DLG1: variants seen among roughly 807,000 people sequenced by gnomAD.
DLG1 encodes disks large homolog 1.
A neutral mutation model predicts 123.4 loss-of-function variants in DLG1; 42 were observed. The ratio of observed to expected loss-of-function variants is 0.34; its 90% CI spans 0.27 to 0.44. DLG1 has a LOEUF of 0.44. Ranked by LOEUF, DLG1 falls within the 20% of genes least tolerant of loss-of-function variation. DLG1 has a pLI of 1.00. For synonymous variants in DLG1, 317 were observed against 356.2 expected (o/e 0.89, Z 1.24); for missense variants, 942 against 1,082.6 (o/e 0.87, Z 1.82).
chr3:197,077,501 A>C (rs1043767167), intron 17 of DLG1, among the ~76,000 whole-genome samples: 35 of 151,990 alleles, frequency 2.3e-4, no homozygotes, highest in African/African-American at 7.5e-4. Flanking sequence ...TCTACTTATT[A>C]AAAAAAAGTA....
At chr3:197,082,633 A>G (rs747098927) in intron 16 of DLG1, among the ~76,000 whole-genome samples, 63 of 152,174 alleles carry the variant, frequency 4.1e-4, no homozygotes, top group Non-Finnish European at 7.2e-4. Flanking sequence ...TACAATTCCT[A>G]TGTTATTTTA....
At chr3:197,271,496 G>A (rs1300083871) in intron 4 of DLG1, among the ~76,000 whole-genome samples, 2 of 152,126 alleles carry the variant, frequency 1.3e-5, no homozygotes, top group Non-Finnish European at 2.9e-5. Context: ...TAGCACCTAA[G>A]CCCTCTGCCT....
intron 4 of DLG1, among the ~76,000 whole-genome samples, chr3:197,239,443 AAGG>A (rs1436173326): frequency 8.5e-5 from 13 of 152,322 alleles, no homozygotes; most frequent in East Asian, 5.8e-4. Context: ...CCAAAAAATT[AAGG>A]AGGAGGGACT....
At chr3:197,186,007 T>C (rs1162946124) in intron 5 of DLG1, among the ~76,000 whole-genome samples, 2 of 152,314 alleles carry the variant, frequency 1.3e-5, no homozygotes, top group South Asian at 2.1e-4. Context: ...ATTTCCCCAA[T>C]GTACAGGGAA....
intron 4 of DLG1, among the ~76,000 whole-genome samples, chr3:197,266,538 A>G (rs776638893): frequency 2.6e-5 from 4 of 152,108 alleles, no homozygotes; most frequent in Non-Finnish European, 5.9e-5. Flanking sequence ...GCTTGAAGCC[A>G]GGAGGCTGAG....
chr3:197,289,916 A>T (rs1773997420), intron 3 of DLG1, among the ~76,000 whole-genome samples: 1 of 152,234 alleles, frequency 6.6e-6, no homozygotes, highest in African/African-American at 2.4e-5. Flanking sequence ...TACATGACTC[A>T]CAAGCATATT....
intron 4 of DLG1, among the ~76,000 whole-genome samples, chr3:197,258,431 G>T: frequency 7.2e-6 from 1 of 139,582 alleles, no homozygotes. Context: ...GTTATGGGGG[G>T]GCGGGGGGGA....
intron 4 of DLG1, among the ~76,000 whole-genome samples, chr3:197,282,104 T>C (rs1251066441): frequency 1.3e-5 from 2 of 152,164 alleles, no homozygotes; most frequent in African/African-American, 4.8e-5. Flanking sequence ...CTATACCATA[T>C]CCAACTGGGC....
chr3:197,297,105 C>A, intron 2 of DLG1, 81 bp downstream of exon 2: 1 of 1,495,674 alleles, frequency 6.7e-7, no homozygotes, highest in Non-Finnish European at 9.3e-7. Flanking sequence ...GTTACACAAA[C>A]GATTCTAAAA....
At chr3:197,296,869 C>T (rs2151301431) in intron 2 of DLG1, 1 of 367,192 alleles carries the variant, frequency 2.7e-6, no homozygotes, top group African/African-American at 2.1e-5. Flanking sequence ...CTTAGTATCC[C>T]ACAGTTGCTT....
chr3:197,260,750 CAAAAAAAAAAAAAAAAAAA>C (rs570596943), intron 4 of DLG1, among the ~76,000 whole-genome samples: 28 of 18,322 alleles, frequency 1.5e-3, no homozygotes, highest in Admixed American at 5.3e-3. Context: ...TGACAACCAC[CAAAAAAAAAAAAAAAAAAA>C]AAAAAAAAAA....
intron 4 of DLG1, among the ~76,000 whole-genome samples, chr3:197,214,042 T>C (rs1732698703): frequency 6.6e-6 from 1 of 152,180 alleles, no homozygotes; most frequent in Admixed American, 6.5e-5. Flanking sequence ...CCACTGAGTC[T>C]ACAATACAAC....
At chr3:197,126,305 C>T (rs1004587645) in intron 11 of DLG1, among the ~76,000 whole-genome samples, 4 of 151,852 alleles carry the variant, frequency 2.6e-5, no homozygotes, top group Admixed American at 1.3e-4. Flanking sequence ...GGAGAAACCC[C>T]GTCTCTACTA....
chr3:197,193,307 T>TA (rs1720656283), intron 5 of DLG1, among the ~76,000 whole-genome samples: 1 of 152,072 alleles, frequency 6.6e-6, no homozygotes, highest in Non-Finnish European at 1.5e-5. Flanking sequence ...AAATTCCCAT[T>TA]AAAATCACAC....
chr3:197,258,871 G>A (rs886330513), intron 4 of DLG1, among the ~76,000 whole-genome samples: 17 of 152,002 alleles, frequency 1.1e-4, no homozygotes, highest in Admixed American at 1.1e-3. Flanking sequence ...AATGTTTTAG[G>A]CTTCTAATTT....
At chr3:197,171,500 C>T (rs1332326276) in intron 5 of DLG1, among the ~76,000 whole-genome samples, 5 of 152,100 alleles carry the variant, frequency 3.3e-5, no homozygotes, top group Non-Finnish European at 7.4e-5. Flanking sequence ...GTATTAAAAT[C>T]ATTAAATTTA....
At chr3:197,052,449 T>C (rs924843228) in intron 23 of DLG1, among the ~76,000 whole-genome samples, 2 of 152,110 alleles carry the variant, frequency 1.3e-5, no homozygotes, top group African/African-American at 2.4e-5. Flanking sequence ...AGCGAGACTC[T>C]GTCTCCACAA....
intron 4 of DLG1, among the ~76,000 whole-genome samples, chr3:197,279,788 A>T (rs1455054241): frequency 6.6e-6 from 1 of 152,208 alleles, no homozygotes; most frequent in Non-Finnish European, 1.5e-5. Context: ...AATGAAATCT[A>T]TATGGAAAAA....
At chr3:197,296,206 A>G (rs1777281880) in intron 3 of DLG1, 140 bp downstream of exon 3, 2 of 815,614 alleles carry the variant, frequency 2.5e-6, no homozygotes, top group African/African-American at 3.4e-5. Context: ...GCCTATGAAA[A>G]ACACACAACT....
Sources: allele counts gnomAD v4.1 joint callset (sites outside exome capture counted in the v4.1 genomes callset), GRCh38; gene constraint gnomAD v4.1.1; transcripts MANE v1.5; gene names NCBI Gene and HGNC (gene_info 2026-07-23, HGNC 2026-07-21).